Variants in XKR6 observed in about 807,000 individuals in gnomAD.
The protein encoded by XKR6 is XK-related protein 6.
XKR6 carries 22 observed loss-of-function variants against 56.7 expected under a neutral mutation model. That is an observed-to-expected ratio of 0.39 (90% confidence interval 0.28 to 0.55). XKR6 has a LOEUF of 0.55. Ranked by LOEUF, XKR6 falls within the 20% of genes least tolerant of loss-of-function variation. The pLI, the probability that XKR6 is intolerant of heterozygous loss-of-function variation, is 0.66. For missense variants in XKR6, 852 were observed against 889.0 expected (o/e 0.96, Z 0.53); for synonymous variants, 524 against 387.8 (o/e 1.35, Z -4.13).
chr8:11,186,991 A>T (rs1585033723), intron 1 of XKR6, among the ~76,000 whole-genome samples: 2 of 152,336 alleles, frequency 1.3e-5, no homozygotes, highest in African/African-American at 2.4e-5. Context: ...CCATGAAAAC[A>T]GATTGTTTAG....
chr8:10,936,365 CTG>C lies in XKR6; in HGVS notation c.765-11537_765-11536del, dbSNP rs1161182029. Among the ~76,000 whole-genome samples, 18 of 116,620 alleles carry C rather than the reference CTG, an allele frequency of 1.5e-4. 1 individual carries two copies. Among genetic ancestry groups the C allele is most frequent in the Admixed American group, 5.5e-4 (6 of 10,844 alleles). 76.5% of individuals were successfully genotyped at this position (116,620 alleles called of 152,430 possible). ...TTGACTCTTTATCCAACTTGCCAGT[CTG>C]TGTCTTTTAATTGGAGAATTTAGTC... On this transcript the variant is annotated intron_variant, in intron 1 of 2. Transcript: ENST00000416569.
chr8:11,175,525 G>T (rs1051704774), intron 1 of XKR6: 1 of 152,394 alleles, frequency 6.6e-6, no homozygotes, highest in African/African-American at 2.4e-5. Flanking sequence ...CGAAGAAAAA[G>T]ATACCTGAGA....
chr8:10,986,612 T>G (rs1032223608), intron 1 of XKR6, among the ~76,000 whole-genome samples: 1 of 152,206 alleles, frequency 6.6e-6, no homozygotes, highest in Non-Finnish European at 1.5e-5. Flanking sequence ...TAGAATGTCA[T>G]AGTTGAGGGA....
intron 2 of XKR6, among the ~76,000 whole-genome samples, chr8:10,905,602 G>A (rs547229871): frequency 5.3e-4 from 81 of 152,142 alleles, no homozygotes; most frequent in Non-Finnish European, 1.0e-3. Context: ...CACAGGCTTA[G>A]CTGGTTATCT....
intron 1 of XKR6, chr8:11,105,954 C>G (rs935745606): frequency 1.8e-4 from 28 of 152,156 alleles, no homozygotes; most frequent in African/African-American, 6.0e-4. Context: ...TAATTTCAAA[C>G]GACAAGCTTT....
intron 1 of XKR6, among the ~76,000 whole-genome samples, chr8:11,173,960 G>A (rs1042479730): frequency 1.2e-4 from 19 of 152,202 alleles, no homozygotes; most frequent in Non-Finnish European, 2.2e-4. Context: ...ACCCTCGGGT[G>A]CTTTGGGATG....
At chr8:11,035,496 G>A (rs542987606) in intron 1 of XKR6, among the ~76,000 whole-genome samples, 1 of 152,310 alleles carries the variant, frequency 6.6e-6, no homozygotes, top group South Asian at 2.1e-4. Context: ...TACATAAAGG[G>A]AGGAGGAAGC....
At chr8:11,092,728 G>T (rs1798117722) in intron 1 of XKR6, among the ~76,000 whole-genome samples, 1 of 152,198 alleles carries the variant, frequency 6.6e-6, no homozygotes, top group Non-Finnish European at 1.5e-5. Flanking sequence ...GCTTCTGGAG[G>T]AATCTTGGCC....
chr8:10,923,349 C>A (rs1646541027), intron 2 of XKR6, among the ~76,000 whole-genome samples: 1 of 151,980 alleles, frequency 6.6e-6, no homozygotes, highest in South Asian at 2.1e-4. Context: ...GCCCCTTTTT[C>A]TACCAGACAG....
intron 1 of XKR6, among the ~76,000 whole-genome samples, chr8:11,178,570 ATATG>A (rs1802793742): frequency 7.0e-6 from 1 of 142,566 alleles, no homozygotes; most frequent in African/African-American, 2.6e-5. Context: ...ATATATATAT[ATATG>A]TATATATATA....
intron 2 of XKR6, among the ~76,000 whole-genome samples, chr8:10,915,881 G>A (rs562534988): frequency 4.5e-4 from 69 of 152,374 alleles, no homozygotes; most frequent in African/African-American, 1.6e-3. Flanking sequence ...CATCTCAGCT[G>A]TGGATGAAGA....
At chr8:11,009,449 C>T (rs908270765) in intron 1 of XKR6, among the ~76,000 whole-genome samples, 1 of 152,092 alleles carries the variant, frequency 6.6e-6, no homozygotes, top group Non-Finnish European at 1.5e-5. Flanking sequence ...GAAGTTGAGG[C>T]TGCAGAGAAG....
At chr8:11,120,051 T>C (rs1470935865) in intron 1 of XKR6, among the ~76,000 whole-genome samples, 2 of 152,170 alleles carry the variant, frequency 1.3e-5, no homozygotes, top group African/African-American at 2.4e-5. Context: ...TAATAAGAGC[T>C]ATCTATGACA....
chr8:10,906,454 C>T (rs1333955944), intron 2 of XKR6, among the ~76,000 whole-genome samples: 2 of 152,204 alleles, frequency 1.3e-5, no homozygotes, highest in East Asian at 3.8e-4. Context: ...GAATTAAATA[C>T]CTTAGTGCTA....
chr8:11,097,783 G>A (rs937639084), intron 1 of XKR6, among the ~76,000 whole-genome samples: 1 of 140,564 alleles, frequency 7.1e-6, no homozygotes, highest in Non-Finnish European at 1.5e-5. Flanking sequence ...CTCCAGCCTG[G>A]GGGACAAGAG....
At chr8:10,948,205 G>T (rs1801609344) in intron 1 of XKR6, among the ~76,000 whole-genome samples, 1 of 152,138 alleles carries the variant, frequency 6.6e-6, no homozygotes, top group Admixed American at 6.5e-5. Context: ...GAGAGGTTTG[G>T]AAGCTTTCCC....
rs183642252 is a variant in XKR6 at position 10,920,559 on chromosome 8, C to T, written c.961+4075G>A. ...GTTCCAAGTCCACACATTTTCTCTG[C>T]CCTCTTCCAATTTCTGATGACTAAA... On this transcript the variant is annotated intron_variant, in intron 2 of 2. Transcript: ENST00000416569. Among the ~76,000 whole-genome samples the T allele has an allele frequency of 5.8e-4, 88 of 152,356 alleles. 1 individual carries two copies. Among genetic ancestry groups the T allele is most frequent in the African/African-American group, 2.1e-3 (88 of 41,582 alleles).
At chr8:11,154,617 T>C (rs1054742552) in intron 1 of XKR6, among the ~76,000 whole-genome samples, 2 of 152,098 alleles carry the variant, frequency 1.3e-5, no homozygotes, top group Admixed American at 6.5e-5. Flanking sequence ...GAAGTGAGAG[T>C]AGTCTTGGAA....
At chr8:11,038,130 C>T (rs1267258252) in intron 1 of XKR6, among the ~76,000 whole-genome samples, 1 of 152,076 alleles carries the variant, frequency 6.6e-6, no homozygotes, top group Non-Finnish European at 1.5e-5. Context: ...TCGAAAGGGG[C>T]CGGTTTTTCT....
Sources: allele counts gnomAD v4.1 joint callset (sites outside exome capture counted in the v4.1 genomes callset), GRCh38; gene constraint gnomAD v4.1.1; transcripts MANE v1.5; gene names NCBI Gene and HGNC (gene_info 2026-07-23, HGNC 2026-07-21).